CDH13: variants seen among roughly 807,000 people sequenced by gnomAD.
The protein encoded by CDH13 is cadherin 13.
In CDH13, 24 loss-of-function variants were observed where a neutral mutation model predicts 63.8. The ratio of observed to expected loss-of-function variants is 0.38; its 90% CI spans 0.27 to 0.53. The LOEUF is 0.53. Among genes scored for constraint, CDH13 ranks in the 20% least tolerant of loss-of-function variants. The pLI is 0.85. For missense variants in CDH13, 1,049 were observed against 903.1 expected (o/e 1.16, Z -2.07); for synonymous variants, 503 against 355.3 (o/e 1.42, Z -4.67).
At chr16:83,587,678 A>G (rs74035207) in intron 7 of CDH13, among the ~76,000 whole-genome samples, 1 of 152,150 alleles carries the variant, frequency 6.6e-6, no homozygotes, top group Non-Finnish European at 1.5e-5. Flanking sequence ...TTCCACACAG[A>G]TCATTTAATA....
chr16:83,021,125 G>C (rs1915308858), intron 2 of CDH13, among the ~76,000 whole-genome samples: 1 of 152,176 alleles, frequency 6.6e-6, no homozygotes, highest in African/African-American at 2.4e-5. Context: ...CTGAATCCAT[G>C]ATTTTTCTTT....
chr16:82,887,155 T>C (rs1030022665), intron 2 of CDH13, among the ~76,000 whole-genome samples: 5 of 152,158 alleles, frequency 3.3e-5, no homozygotes, highest in Admixed American at 6.5e-5. Flanking sequence ...CAAAGATTTA[T>C]CTTCACCAAT....
At chr16:83,380,038 A>G (rs1456339352) in intron 6 of CDH13, among the ~76,000 whole-genome samples, 1 of 151,720 alleles carries the variant, frequency 6.6e-6, no homozygotes, top group Non-Finnish European at 1.5e-5. Context: ...ATTAATAAAC[A>G]TATACATAAA....
In CDH13 at chr16:82,812,823, C is replaced by T. The variant is rs552691572; in HGVS notation, c.46-45539C>T. Reference sequence around the variant, plus strand: ...CTCTTCCTTCCTTTTTCCTTCCTTCCTTCCTCCCTTCCTTCCTCCCTTCTT... The same window carrying T: ...CTCTTCCTTCCTTTTTCCTTCCTTCTTTCCTCCCTTCCTTCCTCCCTTCTT... On this transcript the variant is annotated intron_variant, in intron 1 of 13. Transcript: ENST00000567109. 3.6e-3 allele frequency among the ~76,000 whole-genome samples: 533 copies of T among 148,118 alleles called. 3 individuals are homozygous for T. Among genetic ancestry groups the T allele is most frequent in the African/African-American group, 0.013 (500 of 39,622 alleles).
At chr16:83,356,476 G>A (rs2091059938) in intron 6 of CDH13, among the ~76,000 whole-genome samples, 1 of 152,084 alleles carries the variant, frequency 6.6e-6, no homozygotes. Flanking sequence ...GGCCACAAAT[G>A]TCAGAAAAGA....
chr16:83,483,037 A>G (rs902242980), intron 6 of CDH13, among the ~76,000 whole-genome samples: 3 of 152,210 alleles, frequency 2.0e-5, no homozygotes, highest in Admixed American at 6.5e-5. Context: ...AGGTCATCCC[A>G]TGAAATCCTC....
chr16:82,840,200 C>T (rs2038946712), intron 1 of CDH13, among the ~76,000 whole-genome samples: 1 of 151,946 alleles, frequency 6.6e-6, no homozygotes. Flanking sequence ...ATTTTGTTTG[C>T]TTTTAGTGGC....
intron 1 of CDH13, among the ~76,000 whole-genome samples, chr16:82,833,072 G>A (rs560832424): frequency 1.3e-5 from 2 of 152,326 alleles, no homozygotes; most frequent in South Asian, 2.1e-4. Flanking sequence ...GAGTCAGTGT[G>A]TTATGGTAAC....
At chr16:83,713,182 T>G in intron 10 of CDH13, among the ~76,000 whole-genome samples, 1 of 152,186 alleles carries the variant, frequency 6.6e-6, no homozygotes, top group East Asian at 1.9e-4. Context: ...TGCCTGCACT[T>G]CATTCACTGA....
chr16:83,022,001 A>C (rs767897479), intron 2 of CDH13, among the ~76,000 whole-genome samples: 1 of 152,214 alleles, frequency 6.6e-6, no homozygotes, highest in Non-Finnish European at 1.5e-5. Flanking sequence ...AAATGAGAGT[A>C]TTCAGGAAAG....
At chr16:83,563,918 A>C (rs2075748988) in intron 7 of CDH13, among the ~76,000 whole-genome samples, 1 of 152,132 alleles carries the variant, frequency 6.6e-6, no homozygotes, top group Non-Finnish European at 1.5e-5. Context: ...CACATCCTGG[A>C]ATCTGAGAGA....
rs1376006819 is a variant in CDH13 at position 83,754,514 on chromosome 16, C to G, written c.1681+6264C>G. Among the ~76,000 whole-genome samples the G allele has an allele frequency of 3.3e-5, 5 of 152,166 alleles. No individual in the cohort carries two copies. The South Asian group carries it at 1.0e-3, about 31-fold the overall frequency. The stretch of plus-strand genomic sequence containing the variant: ...TTTGGCTCTGTGTCCCCACCCAAAT[C>G]TCATCTTGAATTGTACTCCCATAAT... On this transcript the variant is annotated intron_variant, in intron 11 of 13. Transcript: ENST00000567109.
At chr16:82,987,773 G>A (rs941912855) in intron 2 of CDH13, among the ~76,000 whole-genome samples, 3 of 152,236 alleles carry the variant, frequency 2.0e-5, no homozygotes, top group African/African-American at 7.2e-5. Flanking sequence ...CCCTATGGCT[G>A]CATTCTTCAG....
At chr16:83,507,794 G>A (rs1567721801) in intron 7 of CDH13, among the ~76,000 whole-genome samples, 1 of 151,954 alleles carries the variant, frequency 6.6e-6, no homozygotes, top group Non-Finnish European at 1.5e-5. Context: ...CAGCACTCTG[G>A]AAGGCCGAGG....
Position 83,257,436 on chromosome 16 carries a change from C to G in CDH13, c.636+39939C>G, listed in dbSNP as rs77460975. ...GGTTTCCTCTTTCCTCTCCGCTCAG[C>G]TTTTAGGTTTCTTTCTTTGTCCCAC... On this transcript the variant is annotated intron_variant, in intron 5 of 13. Transcript: ENST00000567109. 7.9e-3 allele frequency among the ~76,000 whole-genome samples: 1,201 copies of G among 152,242 alleles called. 13 individuals are homozygous for G. Among genetic ancestry groups the G allele is most frequent in the African/African-American group, 0.027 (1,134 of 41,528 alleles).
chr16:83,518,141 T>C (rs558095135), intron 7 of CDH13, among the ~76,000 whole-genome samples: 2 of 110,850 alleles, frequency 1.8e-5, no homozygotes, highest in East Asian at 5.0e-4. Context: ...TGAGATGTGA[T>C]GGTCTTTTGT....
In CDH13 at chr16:83,570,689, AT is replaced by A. The variant is rs565595892; in HGVS notation, c.961-31762del. Among the ~76,000 whole-genome samples the A allele has an allele frequency of 8.5e-3, 1,236 of 145,898 alleles. 16 individuals are homozygous for A. The highest frequency in any genetic ancestry group is 0.029 in the African/African-American group (1,143 of 40,064). On this transcript the variant is annotated intron_variant, in intron 7 of 13. Coordinates refer to ENST00000567109, the MANE Select transcript of CDH13 (RefSeq NM_001257.5). Reference sequence around the variant, plus strand: ...CATCCTTTTATATATATAAAAAAAAATTTAAATTTATTATTTATATATTTAT... The same window carrying A: ...CATCCTTTTATATATATAAAAAAAAATTAAATTTATTATTTATATATTTAT...
chr16:82,672,694 C>T (rs967279298), intron 1 of CDH13, among the ~76,000 whole-genome samples: 2 of 151,764 alleles, frequency 1.3e-5, no homozygotes, highest in Admixed American at 1.3e-4. Flanking sequence ...ATTCACTGTT[C>T]TCCATAGAAT....
intron 3 of CDH13, among the ~76,000 whole-genome samples, chr16:83,032,908 C>G (rs902455902): frequency 4.6e-5 from 7 of 152,136 alleles, no homozygotes; most frequent in Non-Finnish European, 1.0e-4. Flanking sequence ...AGGTGACCCA[C>G]TAGAATTGTA....
Sources: allele counts gnomAD v4.1 joint callset (sites outside exome capture counted in the v4.1 genomes callset), GRCh38; gene constraint gnomAD v4.1.1; transcripts MANE v1.5; gene names NCBI Gene and HGNC (gene_info 2026-07-23, HGNC 2026-07-21).